The following INPP4B variants were observed in gnomAD, a reference collection of about 807,000 sequenced individuals.
INPP4B encodes the protein inositol polyphosphate 4-phosphatase type II.
Under a neutral mutation model 122.5 loss-of-function variants are expected in INPP4B, and 55 were observed. The observed-to-expected ratio is 0.45, with a 90% CI of 0.36 to 0.56. INPP4B has a LOEUF of 0.56. INPP4B is among the 20% of genes least tolerant of loss of function. INPP4B has a pLI of 0.00. For synonymous variants in INPP4B, 403 were observed against 388.7 expected, an observed-to-expected ratio of 1.04 and a Z score of -0.43; for missense variants, 1,000 against 1,097.7, an observed-to-expected ratio of 0.91 and a Z score of 1.26.
At chr4:142,577,462 T>C (rs1734099734) in intron 2 of INPP4B, among the ~76,000 whole-genome samples, 1 of 152,068 alleles carries the variant, frequency 6.6e-6, no homozygotes, top group Admixed American at 6.6e-5. Context: ...ACACAGTTCC[T>C]GTCCTAGAAG....
intron 12 of INPP4B, among the ~76,000 whole-genome samples, chr4:142,216,389 C>A (rs550548671): frequency 2.9e-4 from 44 of 152,292 alleles, no homozygotes; most frequent in Non-Finnish European, 5.4e-4. Flanking sequence ...GGACTTACTT[C>A]CATCTGCTCC....
At chr4:142,670,537 A>G (rs1010620610) in intron 2 of INPP4B, among the ~76,000 whole-genome samples, 1 of 152,164 alleles carries the variant, frequency 6.6e-6, no homozygotes, top group African/African-American at 2.4e-5. Flanking sequence ...TAAGTGAAAT[A>G]AGTCAGGCAC....
At chr4:142,208,606 G>T in intron 13 of INPP4B, 77 bp from the exon 14 acceptor site, 2 of 753,006 alleles carry the variant, frequency 2.7e-6, no homozygotes. Context: ...AAATTTGACA[G>T]AAAAATGTTA....
intron 15 of INPP4B, among the ~76,000 whole-genome samples, chr4:142,174,864 C>T (rs74837740): frequency 0.017 from 2,616 of 152,122 alleles, 110 homozygotes; most frequent in East Asian, 0.16. Flanking sequence ...TGCCTAGCCT[C>T]GAGCCATCCT....
rs1330663400 is a variant in INPP4B, at chr4:142,701,245, C to A, written c.-191+24594G>T. ...CTGTTCCAAAGAGGAGAGGATATCC[C>A]ACCCATTTGGTCTCCATACTGGTTA... On this transcript the variant is annotated intron_variant, in intron 2 of 25. Transcript: ENST00000262992. Among the ~76,000 whole-genome samples the A allele has an allele frequency of 6.6e-5, 10 of 152,070 alleles. No individual in the cohort carries two copies. In the South Asian group the frequency reaches 1.0e-3, roughly 16 times the overall value.
rs1382967672 is a variant in INPP4B at position 142,024,139 on chromosome 4, A to G, written c.*4643T>C. Reference sequence around the variant, plus strand: ...ATTAACTCTACACATAATGGCTTGCAATATTTTATCTAAAACATTCATTTT... The same window carrying G: ...ATTAACTCTACACATAATGGCTTGCGATATTTTATCTAAAACATTCATTTT... On this transcript the variant is annotated 3_prime_UTR_variant, in exon 26 of 26. Coordinates refer to ENST00000262992, the MANE Select transcript of INPP4B (RefSeq NM_001101669.3). 6.6e-6 allele frequency: 1 copy of G among 152,188 alleles called. No individual in the cohort carries two copies. The highest frequency in any genetic ancestry group is 1.5e-5 in the Non-Finnish European group (1 of 68,028). 9.4% of individuals were successfully genotyped at this position (152,188 alleles called of 1,614,324 possible).
At chr4:142,602,662 A>G (rs1740293979) in intron 2 of INPP4B, among the ~76,000 whole-genome samples, 1 of 152,220 alleles carries the variant, frequency 6.6e-6, no homozygotes, top group African/African-American at 2.4e-5. Flanking sequence ...AACCACAATG[A>G]GATATCATCT....
At chr4:142,525,502 T>C (rs13127437) in intron 2 of INPP4B, among the ~76,000 whole-genome samples, 72,398 of 74,898 alleles carry the variant, frequency 0.97, 35,251 homozygotes, top group East Asian at 1. Flanking sequence ...TACAAGGCTA[T>C]AGTAAGCAAA....
At chr4:142,303,211 G>A (rs923370018) in intron 9 of INPP4B, among the ~76,000 whole-genome samples, 6 of 152,024 alleles carry the variant, frequency 3.9e-5, no homozygotes, top group Admixed American at 6.6e-5. Context: ...CACAGTGCTC[G>A]GTCGAATTAG....
At chr4:142,059,292 A>T (rs1759371220) in intron 25 of INPP4B, among the ~76,000 whole-genome samples, 1 of 152,080 alleles carries the variant, frequency 6.6e-6, no homozygotes, top group Non-Finnish European at 1.5e-5. Context: ...ACCAGCTTAA[A>T]GTTCACTTTC....
chr4:142,124,015 G>A (rs1797667197), intron 19 of INPP4B, among the ~76,000 whole-genome samples: 1 of 152,062 alleles, frequency 6.6e-6, no homozygotes, highest in Non-Finnish European at 1.5e-5. Flanking sequence ...GGAGAAGGAA[G>A]GCACCAGCAC....
intron 2 of INPP4B, among the ~76,000 whole-genome samples, chr4:142,707,722 T>C (rs1471336476): frequency 6.6e-6 from 1 of 152,198 alleles, no homozygotes; most frequent in Non-Finnish European, 1.5e-5. Flanking sequence ...CTTTATAAAT[T>C]ACCCAGTCTC....
At chr4:142,461,964 G>A (rs1413564808) in intron 3 of INPP4B, among the ~76,000 whole-genome samples, 3 of 152,082 alleles carry the variant, frequency 2.0e-5, no homozygotes, top group African/African-American at 7.2e-5. Context: ...AAGGACCTAT[G>A]GGGCTGGGCT....
At chr4:142,586,332 AAACAAC>A (rs971325299) in intron 2 of INPP4B, among the ~76,000 whole-genome samples, 2 of 152,018 alleles carry the variant, frequency 1.3e-5, no homozygotes, top group Non-Finnish European at 2.9e-5. Flanking sequence ...AAAACAACAA[AAACAAC>A]AACAACAACG....
intron 21 of INPP4B, among the ~76,000 whole-genome samples, chr4:142,113,655 C>A (rs1037721665): frequency 2.0e-5 from 3 of 151,792 alleles, no homozygotes; most frequent in African/African-American, 7.3e-5. Context: ...GATGAGTGAG[C>A]GCATTATTTT....
intron 1 of INPP4B, among the ~76,000 whole-genome samples, chr4:142,750,202 A>G (rs1769458398): frequency 6.6e-6 from 1 of 152,068 alleles, no homozygotes; most frequent in African/African-American, 2.4e-5. Context: ...ATATCAATAC[A>G]TATGTGGAAA....
At chr4:142,250,508 A>T (rs1731427015) in intron 11 of INPP4B, among the ~76,000 whole-genome samples, 1 of 152,214 alleles carries the variant, frequency 6.6e-6, no homozygotes, top group Non-Finnish European at 1.5e-5. Context: ...TACAGAATGG[A>T]TTAATTTCAA....
At chr4:142,304,913 A>G (rs1252128250) in intron 9 of INPP4B, among the ~76,000 whole-genome samples, 1 of 152,140 alleles carries the variant, frequency 6.6e-6, no homozygotes, top group Admixed American at 6.6e-5. Flanking sequence ...CTGTTGTCTC[A>G]TCTTCTATTT....
intron 2 of INPP4B, among the ~76,000 whole-genome samples, chr4:142,500,460 G>A (rs546553052): frequency 6.6e-6 from 1 of 152,298 alleles, no homozygotes; most frequent in East Asian, 1.9e-4. Flanking sequence ...TTAGCTTCTT[G>A]CTAGTTTTAT....
Sources: gnomAD v4.1 joint callset for allele counts (sites outside exome capture counted in the v4.1 genomes callset) on GRCh38, gnomAD v4.1.1 for gene constraint, MANE v1.5 for transcripts, NCBI Gene and HGNC (gene_info 2026-07-23, HGNC 2026-07-21) for gene names.